Variants in CYP3A5 observed in about 807,000 individuals in gnomAD.
CYP3A5 encodes cytochrome P450 family 3 subfamily A member 5, also known as cytochrome P450 3A5.
In CYP3A5, 51 loss-of-function variants were observed where a neutral mutation model predicts 55.9. That is an observed-to-expected ratio of 0.91 (90% CI 0.73 to 1.15). The LOEUF (loss-of-function observed/expected upper bound fraction) is 1.15. Among genes scored for constraint, CYP3A5 ranks in the 50% most tolerant of loss-of-function variants. The pLI is 0.00. For missense variants in CYP3A5, 533 were observed against 596.6 expected, an observed-to-expected ratio of 0.89 and a Z score of 1.11; for synonymous variants, 196 against 213.9, an observed-to-expected ratio of 0.92 and a Z score of 0.73.
chr7:99,678,161 G>T (rs1217781653), intron 1 of CYP3A5, among the ~76,000 whole-genome samples: 3 of 152,220 alleles, frequency 2.0e-5, no homozygotes, highest in African/African-American at 7.2e-5. Context: ...CTGGCTGCCC[G>T]AGTCTGTAGT....
chr7:99,650,531 A>C (rs976825611), intron 11 of CYP3A5, among the ~76,000 whole-genome samples: 1 of 152,220 alleles, frequency 6.6e-6, no homozygotes, highest in Non-Finnish European at 1.5e-5. Flanking sequence ...ATGTGTTCAC[A>C]CTATAAAAGG....
chr7:99,673,631 A>G (rs528121409), intron 3 of CYP3A5, among the ~76,000 whole-genome samples: 28 of 152,356 alleles, frequency 1.8e-4, no homozygotes, highest in Admixed American at 9.8e-4. Flanking sequence ...TTTCTCTATT[A>G]TCTCTCAACC....
intron 2 of CYP3A5, 32 bp from the exon 3 acceptor site, chr7:99,674,617 T>C (rs772520835): frequency 1.3e-6 from 2 of 1,583,804 alleles, no homozygotes; most frequent in Non-Finnish European, 1.7e-6. Flanking sequence ...AAGTTGATTA[T>C]TATTTTAAAT....
chr7:99,679,400 A>C (rs1451671976), intron 1 of CYP3A5, among the ~76,000 whole-genome samples: 1 of 152,092 alleles, frequency 6.6e-6, no homozygotes, highest in African/African-American at 2.4e-5. Context: ...CAGACACAGA[A>C]CCCAGAAAGC....
chr7:99,663,549 C>T, intron 8 of CYP3A5: 1 of 991,814 alleles, frequency 1.0e-6, no homozygotes, highest in South Asian at 4.6e-5. Context: ...CGGCAGGTAG[C>T]CTCATAGGAC....
intron 1 of CYP3A5, among the ~76,000 whole-genome samples, chr7:99,677,466 G>A (rs1051309200): frequency 2.6e-5 from 4 of 152,228 alleles, no homozygotes; most frequent in African/African-American, 9.6e-5. Flanking sequence ...GGTGCAGTAT[G>A]GCATATAAGA....
chr7:99,664,992 C>T (rs1301716448), intron 7 of CYP3A5, among the ~76,000 whole-genome samples, 174 bp downstream of exon 7: 1 of 152,030 alleles, frequency 6.6e-6, no homozygotes, highest in Non-Finnish European at 1.5e-5. Context: ...TGTGTGAGGG[C>T]TCTAGATTGA....
In CYP3A5 at chr7:99,676,134, T is replaced by C; in HGVS notation, c.146A>G (p.Asn49Ser). 1 of 1,613,682 alleles carries C rather than the reference T, an allele frequency of 6.2e-7. No homozygotes were observed. ...ACTCACCTGACGATAGGACAAAACATTTCCCAACAAAGGCAGAGGTGTGGG... is the reference window on the plus strand; with the variant it reads ...ACTCACCTGACGATAGGACAAAACACTTCCCAACAAAGGCAGAGGTGTGGG... ...PGPTPLPLLG[N>S]VLSYRQGLWK... The change falls in exon 2 of 13, where the codon AAT becomes AGT. Residue 49 changes from asparagine (N) to serine (S), a missense_variant. Physicochemically the swap from Asn to Ser is conservative, Grantham distance 46 (BLOSUM62 1). Transcript: ENST00000222982.
intron 11 of CYP3A5, among the ~76,000 whole-genome samples, chr7:99,651,809 C>T (rs564312022): frequency 2.6e-5 from 4 of 152,316 alleles, no homozygotes; most frequent in Admixed American, 2.6e-4. Context: ...AGAGCATGCT[C>T]AAGACACCTC....
At chr7:99,665,949 A>T (rs778733572) in intron 6 of CYP3A5, among the ~76,000 whole-genome samples, 9 of 152,208 alleles carry the variant, frequency 5.9e-5, no homozygotes, top group Non-Finnish European at 1.0e-4. Flanking sequence ...TCTCTCCAAC[A>T]TTGATTTGGA....
chr7:99,649,985 T>C, intron 12 of CYP3A5, 88 bp downstream of exon 12: 1 of 1,496,286 alleles, frequency 6.7e-7, no homozygotes, highest in South Asian at 1.2e-5. Flanking sequence ...GAATGAATTA[T>C]TAAAAGATAA....
intron 1 of CYP3A5, 75 bp downstream of exon 1, chr7:99,679,751 C>T: frequency 7.1e-7 from 1 of 1,405,868 alleles, no homozygotes; most frequent in East Asian, 2.3e-5. Context: ...ATCTTCAAAA[C>T]AGATAAGGGA....
chr7:99,672,415 T>C (rs997647620), intron 4 of CYP3A5, among the ~76,000 whole-genome samples, 165 bp downstream of exon 4: 6 of 152,136 alleles, frequency 3.9e-5, no homozygotes, highest in Admixed American at 3.9e-4. Context: ...TATATTGCAA[T>C]ATACAAGATT....
intron 12 of CYP3A5, among the ~76,000 whole-genome samples, chr7:99,649,084 A>C (rs28365075): frequency 6.6e-6 from 1 of 152,178 alleles, no homozygotes; most frequent in Non-Finnish European, 1.5e-5. Context: ...ATCTCAGTTC[A>C]GTGAGGGGAA....
chr7:99,666,655 A>C lies in CYP3A5; in HGVS notation c.467T>G (p.Leu156Trp). 6.2e-7 allele frequency: 1 copy of C among 1,614,100 alleles called. No homozygotes were observed. The highest frequency in any genetic ancestry group is 8.5e-7 in the Non-Finnish European group (1 of 1,179,974). Residue 156 changes from leucine to tryptophan, a missense_variant, in exon 6 of 13, where the codon TTG becomes TGG. By Grantham distance (61) the Leu-to-Trp change is moderately conservative (BLOSUM62 -2). Coordinates refer to ENST00000222982, the MANE Select transcript of CYP3A5 (RefSeq NM_000777.5). The part of the protein sequence containing the change: ...FPIIAQYGDV[L>W]VRNLRREAEK... ...TGCTTCCCGCCTCAAGTTTCTCACC[A>C]ATACATCTCCATACTGGGCAATGAT...
In CYP3A5 at chr7:99,653,430, C is replaced by T. The variant is rs772279694; in HGVS notation, c.1027-651G>A. On this transcript the variant is annotated intron_variant, in intron 10 of 12. Coordinates refer to ENST00000222982, the MANE Select transcript of CYP3A5 (RefSeq NM_000777.5). The surrounding 1 kb of genome is among the most constrained non-coding windows in gnomAD (Gnocchi z 4.2). ...TGCACCACTGCCCTCCAGCTTGGGTCGTAGAGTCAGACCCTGTCTCAAATA... is the reference window on the plus strand; with the variant it reads ...TGCACCACTGCCCTCCAGCTTGGGTTGTAGAGTCAGACCCTGTCTCAAATA... Among the ~76,000 whole-genome samples the T allele has an allele frequency of 1.3e-5, 2 of 149,430 alleles. No homozygotes were observed. Among genetic ancestry groups the T allele is most frequent in the South Asian group, 2.1e-4 (1 of 4,702 alleles).
chr7:99,668,778 G>A (rs1355218289), intron 4 of CYP3A5, among the ~76,000 whole-genome samples: 7 of 152,200 alleles, frequency 4.6e-5, no homozygotes, highest in South Asian at 4.1e-4. Context: ...AGACACTGTC[G>A]CCATTTGTAC....
chr7:99,659,591 C>CTCTT (rs1259904705), intron 10 of CYP3A5: 1 of 152,644 alleles, frequency 6.6e-6, no homozygotes, highest in Admixed American at 6.5e-5. Context: ...AACCACTACT[C>CTCTT]TCTTCAAAGC....
At chr7:99,663,228 TTTATTC>T in intron 8 of CYP3A5, 1 of 1,061,022 alleles carries the variant, frequency 9.4e-7, no homozygotes, top group Non-Finnish European at 1.1e-6. Context: ...TACTGGATCT[TTTATTC>T]TTCTACCTTT....
Sources: allele counts gnomAD v4.1 joint callset (sites outside exome capture counted in the v4.1 genomes callset), GRCh38; gene constraint gnomAD v4.1.1; non-coding constraint Gnocchi (gnomAD v3.1); transcripts MANE v1.5; gene names NCBI Gene and HGNC (gene_info 2026-07-23, HGNC 2026-07-21).